RRP15: variants seen among roughly 807,000 people sequenced by gnomAD.
The protein encoded by RRP15 is ribosomal RNA processing 15 homolog.
In RRP15, 18 loss-of-function variants were observed where a neutral mutation model predicts 27.1. That is an observed-to-expected ratio of 0.66 (90% CI 0.46 to 0.98). The LOEUF (loss-of-function observed/expected upper bound fraction) is 0.98. Among genes scored for constraint, RRP15 ranks in the 50% least tolerant of loss-of-function variants. RRP15 has a pLI of 0.00. For missense variants in RRP15, 359 were observed against 337.8 expected (o/e 1.06, Z -0.49); for synonymous variants, 107 against 109.4 (o/e 0.98, Z 0.14).
At chr1:218,317,984 C>G (rs1452005264) in intron 4 of RRP15, among the ~76,000 whole-genome samples, 1 of 152,008 alleles carries the variant, frequency 6.6e-6, no homozygotes, top group African/African-American at 2.4e-5. Context: ...ATTCTTCTGC[C>G]TCAGCCTCCC....
intron 4 of RRP15, among the ~76,000 whole-genome samples, chr1:218,315,332 T>C (rs1381092188): frequency 6.6e-6 from 1 of 152,222 alleles, no homozygotes; most frequent in Non-Finnish European, 1.5e-5. Flanking sequence ...CTTCTGGTTC[T>C]TAGATCTGCT....
rs148060456 is a variant in RRP15 at position 218,330,989 on chromosome 1, A to G, written c.747A>G (p.Leu249=). The G allele has an allele frequency of 8.1e-6, 13 of 1,613,656 alleles. No homozygotes were observed. In the African/African-American group the frequency reaches 1.1e-4, roughly 13 times the overall value. ...AAGAAGGCCCAGGTTGGACGATCCTACGTGATGATTTCATGATGGGAGCAT... is the reference window on the plus strand; with the variant it reads ...AAGAAGGCCCAGGTTGGACGATCCTGCGTGATGATTTCATGATGGGAGCAT... ...KSEEGPGWTI[L]RDDFMMGASM... The change falls in exon 5 of 5, where the codon CTA becomes CTG. Residue 249 remains leucine (L), a synonymous_variant. Transcript: ENST00000366932.
At position 218,337,762 on chromosome 1, in the gene RRP15, T is replaced by A. The variant is rs1281249179; in HGVS notation, c.*6671T>A. ...TTTATTTTTTGCTTACTTATTCTGTTCTAGAATCCAAACTCTACATACTGT... is the reference window on the plus strand; with the variant it reads ...TTTATTTTTTGCTTACTTATTCTGTACTAGAATCCAAACTCTACATACTGT... On this transcript the variant is annotated 3_prime_UTR_variant, in exon 5 of 5. Coordinates refer to ENST00000366932, the MANE Select transcript of RRP15 (RefSeq NM_016052.4). 1 of 152,184 alleles carries A rather than the reference T, an allele frequency of 6.6e-6. No homozygotes were observed. The highest frequency in any genetic ancestry group is 6.6e-5 in the Admixed American group (1 of 15,266). The allele number at this position is 152,184 out of a possible 1,614,324, so 9.4% of individuals were successfully genotyped here.
At chr1:218,316,358 T>C (rs936869408) in intron 4 of RRP15, among the ~76,000 whole-genome samples, 2 of 152,156 alleles carry the variant, frequency 1.3e-5, no homozygotes, top group African/African-American at 4.8e-5. Flanking sequence ...TAAAAAAAAA[T>C]TATCCTGCAC....
rs1485026605 is a variant in RRP15 at position 218,312,135 on chromosome 1, A to G, written c.705+4503A>G. 3.3e-5 allele frequency among the ~76,000 whole-genome samples: 5 copies of G among 152,306 alleles called. No individual in the cohort carries two copies. The East Asian group carries it at 9.7e-4, about 29-fold the overall frequency. On this transcript the variant is annotated intron_variant, in intron 4 of 4. Coordinates refer to ENST00000366932, the MANE Select transcript of RRP15 (RefSeq NM_016052.4). ...TGGGCATCGGGCCTCCACAACTGTGAGAGAGTAAATTGCTATTGTTTTCAG... is the reference window on the plus strand; with the variant it reads ...TGGGCATCGGGCCTCCACAACTGTGGGAGAGTAAATTGCTATTGTTTTCAG...
At chr1:218,329,792 A>C (rs888470933) in intron 4 of RRP15, among the ~76,000 whole-genome samples, 9 of 151,876 alleles carry the variant, frequency 5.9e-5, no homozygotes, top group African/African-American at 2.2e-4. Context: ...AGCCAATAGG[A>C]CAGTTTTCCT....
intron 1 of RRP15, 66 bp downstream of exon 1, chr1:218,285,521 C>G (rs971762114): frequency 5.8e-5 from 92 of 1,594,564 alleles, no homozygotes; most frequent in Non-Finnish European, 1.8e-5. Context: ...TGTCAAGCAG[C>G]GCTTGCGACT....
At chr1:218,310,972 C>T (rs971051904) in intron 4 of RRP15, among the ~76,000 whole-genome samples, 7 of 152,140 alleles carry the variant, frequency 4.6e-5, no homozygotes, top group African/African-American at 1.2e-4. Flanking sequence ...TGGTCACGAA[C>T]TCCTGACCTC....
intron 4 of RRP15, among the ~76,000 whole-genome samples, chr1:218,324,486 G>A (rs765108325): frequency 6.6e-6 from 1 of 152,170 alleles, no homozygotes; most frequent in South Asian, 2.1e-4. Context: ...GGGTTCCAGC[G>A]CCGCCACTGC....
chr1:218,329,237 C>CAAAAAAAAA (rs1164512474), intron 4 of RRP15, among the ~76,000 whole-genome samples: 8 of 53,578 alleles, frequency 1.5e-4, no homozygotes, highest in East Asian at 8.4e-4. Context: ...CCTGTCTCTA[C>CAAAAAAAAA]AAAAAAAAAA....
intron 4 of RRP15, among the ~76,000 whole-genome samples, chr1:218,327,345 G>A (rs187424922): frequency 1.8e-3 from 273 of 152,220 alleles, no homozygotes; most frequent in Non-Finnish European, 2.9e-3. Context: ...GTCTTACTCC[G>A]TCGCTCAGGC....
At chr1:218,315,281 C>G (rs1356310552) in intron 4 of RRP15, among the ~76,000 whole-genome samples, 2 of 152,078 alleles carry the variant, frequency 1.3e-5, no homozygotes, top group African/African-American at 4.8e-5. Context: ...CAACTTAGAC[C>G]CAGACTCCAA....
intron 1 of RRP15, among the ~76,000 whole-genome samples, chr1:218,298,115 T>C (rs1323086204): frequency 6.6e-6 from 1 of 152,186 alleles, no homozygotes; most frequent in Non-Finnish European, 1.5e-5. Context: ...ATTTTGATTT[T>C]CATACAGAGC....
At chr1:218,317,678 A>T (rs1368496027) in intron 4 of RRP15, among the ~76,000 whole-genome samples, 1 of 147,800 alleles carries the variant, frequency 6.8e-6, no homozygotes. Context: ...GTATTTGATG[A>T]TTGTGTGTCG....
chr1:218,320,047 C>CTTTTTTTTTTTTTTTTTT (rs140693389), intron 4 of RRP15, among the ~76,000 whole-genome samples: 1 of 139,290 alleles, frequency 7.2e-6, no homozygotes, highest in African/African-American at 2.7e-5. Flanking sequence ...TGTTTTATTT[C>CTTTTTTTTTTTTTTTTTT]TTTTTTTTTC....
chr1:218,319,436 A>ACTTTTTGTT (rs1449992855), intron 4 of RRP15, among the ~76,000 whole-genome samples: 1 of 152,116 alleles, frequency 6.6e-6, no homozygotes, highest in Non-Finnish European at 1.5e-5. Flanking sequence ...GTGTCATTAT[A>ACTTTTTGTT]CTTTTTGTTG....
chr1:218,321,519 T>G (rs906575148), intron 4 of RRP15, among the ~76,000 whole-genome samples: 4 of 152,210 alleles, frequency 2.6e-5, no homozygotes, highest in Non-Finnish European at 5.9e-5. Context: ...ACATGTACAG[T>G]ATGGTTAACT....
intron 4 of RRP15, among the ~76,000 whole-genome samples, chr1:218,319,220 A>T (rs1656139926): frequency 6.6e-6 from 1 of 151,880 alleles, no homozygotes; most frequent in Non-Finnish European, 1.5e-5. Flanking sequence ...GCCCGCCACG[A>T]CGCTTAGCTA....
intron 4 of RRP15, among the ~76,000 whole-genome samples, chr1:218,320,309 T>C (rs1656167289): frequency 7.0e-6 from 1 of 143,356 alleles, no homozygotes. Context: ...GAACATGCGG[T>C]GTTTAGTTTT....
Sources: allele counts gnomAD v4.1 joint callset (sites outside exome capture counted in the v4.1 genomes callset), GRCh38; gene constraint gnomAD v4.1.1; transcripts MANE v1.5; gene names NCBI Gene and HGNC (gene_info 2026-07-23, HGNC 2026-07-21).